MN1: variants seen among roughly 807,000 people sequenced by gnomAD.
The protein encoded by MN1 is MN1 proto-oncogene, transcriptional regulator.
A neutral mutation model predicts 86.9 loss-of-function variants in MN1; 19 were observed. The observed-to-expected ratio is 0.22, with a 90% CI of 0.15 to 0.32. The LOEUF (loss-of-function observed/expected upper bound fraction) is 0.32. Ranked by LOEUF, MN1 falls within the 10% of genes least tolerant of loss-of-function variation. The pLI is 1.00. For missense variants in MN1, 1,841 were observed against 1,862.0 expected (o/e 0.99, Z 0.21); for synonymous variants, 928 against 849.6 (o/e 1.09, Z -1.60).
Position 27,800,226 on chromosome 22 carries a change from A to T in MN1, c.318T>A (p.His106Gln). The part of the protein sequence containing the change: ...QPHHGHPGSH[H>Q]PHQHHPHFGG... ...CAAAGTGGGGGTGATGCTGGTGGGGATGATGACTTCCCGGGTGGCCGTGGT... is the reference window on the plus strand; with the variant it reads ...CAAAGTGGGGGTGATGCTGGTGGGGTTGATGACTTCCCGGGTGGCCGTGGT... Residue 106 changes from histidine (H) to glutamine (Q), a missense_variant, in exon 1 of 2, where the codon CAT (histidine) becomes CAA (glutamine). Physicochemically the swap from His to Gln is conservative, Grantham distance 24 (BLOSUM62 0). Transcript: ENST00000302326. The T allele has an allele frequency of 6.3e-7, 1 of 1,581,730 alleles. No homozygotes were observed. The highest frequency in any genetic ancestry group is 8.6e-7 in the Non-Finnish European group (1 of 1,165,046).
intron 1 of MN1, among the ~76,000 whole-genome samples, chr22:27,756,128 C>A (rs1266344123): frequency 6.6e-6 from 1 of 152,082 alleles, no homozygotes; most frequent in Non-Finnish European, 1.5e-5. Context: ...CAGGGCTGGG[C>A]CCGGGGAGGG....
At chr22:27,793,405 A>G (rs1568981025) in intron 1 of MN1, among the ~76,000 whole-genome samples, 1 of 148,988 alleles carries the variant, frequency 6.7e-6, no homozygotes, top group Non-Finnish European at 1.5e-5. Context: ...TAGGCGGATG[A>G]TTTTGCAAAC....
At chr22:27,764,714 C>A (rs1442763222) in intron 1 of MN1, among the ~76,000 whole-genome samples, 3 of 152,194 alleles carry the variant, frequency 2.0e-5, no homozygotes, top group Non-Finnish European at 4.4e-5. Flanking sequence ...GGCAGGGCTG[C>A]CAGGAGAATG....
In MN1 at chr22:27,758,520, AG is replaced by A. The variant is rs1340461649; in HGVS notation, c.3782-7425del. On this transcript the variant is annotated intron_variant, in intron 1 of 1. Transcript: ENST00000302326. ...GTGCTCACACATCTTGCTCTGGCAG[AG>A]GGGTGTTCTGAGGGCAGGGCCCCTC... 1.6e-4 allele frequency among the ~76,000 whole-genome samples: 25 copies of A among 152,282 alleles called. No homozygotes were observed. The South Asian group carries it at 4.1e-3, about 25-fold the overall frequency.
At chr22:27,770,156 C>T (rs999640997) in intron 1 of MN1, among the ~76,000 whole-genome samples, 1 of 152,212 alleles carries the variant, frequency 6.6e-6, no homozygotes, top group Non-Finnish European at 1.5e-5. Context: ...AACCTTCCCT[C>T]CCAAATCCTT....
intron 1 of MN1, among the ~76,000 whole-genome samples, chr22:27,752,328 G>A (rs1317619182): frequency 6.6e-6 from 1 of 152,190 alleles, no homozygotes; most frequent in African/African-American, 2.4e-5. Context: ...GTTCAGAGCA[G>A]GAGAGACAGA....
At chr22:27,755,242 G>T (rs1325732640) in intron 1 of MN1, among the ~76,000 whole-genome samples, 1 of 152,198 alleles carries the variant, frequency 6.6e-6, no homozygotes, top group African/African-American at 2.4e-5. Context: ...CTTGGGGGTG[G>T]TGATTCCTGC....
intron 1 of MN1, among the ~76,000 whole-genome samples, chr22:27,767,118 A>G (rs905969057): frequency 6.6e-6 from 1 of 152,058 alleles, no homozygotes; most frequent in African/African-American, 2.4e-5. Flanking sequence ...GGGGCCTTGT[A>G]TCACCTATTT....
intron 1 of MN1, among the ~76,000 whole-genome samples, chr22:27,760,848 T>C (rs1016601111): frequency 4.6e-5 from 7 of 152,236 alleles, no homozygotes; most frequent in African/African-American, 1.7e-4. Context: ...AGCAGACCAC[T>C]GTCTCTATGC....
At chr22:27,781,222 T>C (rs1414656022) in intron 1 of MN1, among the ~76,000 whole-genome samples, 1 of 152,202 alleles carries the variant, frequency 6.6e-6, no homozygotes, top group Non-Finnish European at 1.5e-5. Flanking sequence ...TGAGCTACCA[T>C]GCCCAGCCCT....
At chr22:27,791,097 G>T (rs952168607) in intron 1 of MN1, among the ~76,000 whole-genome samples, 1 of 152,042 alleles carries the variant, frequency 6.6e-6, no homozygotes, top group Non-Finnish European at 1.5e-5. Flanking sequence ...ATGTATATAT[G>T]CGGATGCTGG....
intron 1 of MN1, among the ~76,000 whole-genome samples, chr22:27,788,349 C>T (rs1292231533): frequency 6.6e-6 from 1 of 152,156 alleles, no homozygotes; most frequent in African/African-American, 2.4e-5. Flanking sequence ...TGCAAGGACG[C>T]TTTCAAACAG....
At position 27,797,196 on chromosome 22, in the gene MN1, G is replaced by A. The variant is rs1251564475; in HGVS notation, c.3348C>T (p.Asp1116=). The A allele has an allele frequency of 1.9e-6, 3 of 1,558,794 alleles. No individual in the cohort carries two copies. Among genetic ancestry groups the A allele is most frequent in the Non-Finnish European group, 2.6e-6 (3 of 1,156,930 alleles). The change falls in exon 1 of 2, where the codon GAC becomes GAT. Residue 1116 remains aspartate (D), a synonymous_variant. Transcript: ENST00000302326. ...GIMSNSTSTP[D]SYGGGGGPGH... ...CCGGGCCCCCACCGCCGCCGTAGCTGTCAGGGGTCGAGGTAGAGTTAGACA... is the reference window on the plus strand; with the variant it reads ...CCGGGCCCCCACCGCCGCCGTAGCTATCAGGGGTCGAGGTAGAGTTAGACA...
chr22:27,800,183 G>C lies in MN1; in HGVS notation c.361C>G (p.Pro121Ala). The C allele has an allele frequency of 6.5e-7, 1 of 1,548,896 alleles. No homozygotes were observed. ...HPHFGGNFGG[P>A]DPGASCLHGG... ...TGCAGGCACGAGGCCCCGGGGTCCGGGCCACCGAAGTTGCCCCCAAAGTGG... is the reference window on the plus strand; with the variant it reads ...TGCAGGCACGAGGCCCCGGGGTCCGCGCCACCGAAGTTGCCCCCAAAGTGG... The change falls in exon 1 of 2, where the codon CCG becomes GCG. Residue 121 changes from proline to alanine, a missense_variant. Coordinates refer to ENST00000302326, the MANE Select transcript of MN1 (RefSeq NM_002430.3).
chr22:27,797,584 C>T lies in MN1; in HGVS notation c.2960G>A (p.Gly987Glu). ...GQQQASGAAV[G>E]GSSAGETRGA... ...GCGCGTCTCGCCTGCGGAGCTTCCC[C>T]CGACGGCTGCGCCTGACGCTTGCTG... The change falls in exon 1 of 2, where the codon GGG becomes GAG. Residue 987 changes from glycine to glutamate, a missense_variant. Gly to Glu is a moderately conservative substitution (Grantham distance 98, BLOSUM62 -2). Coordinates refer to ENST00000302326, the MANE Select transcript of MN1 (RefSeq NM_002430.3). 3.7e-6 allele frequency: 6 copies of T among 1,600,096 alleles called. No individual in the cohort carries two copies. Among genetic ancestry groups the T allele is most frequent in the Non-Finnish European group, 5.1e-6 (6 of 1,173,084 alleles).
chr22:27,764,004 G>T (rs1397185333), intron 1 of MN1, among the ~76,000 whole-genome samples: 1 of 152,166 alleles, frequency 6.6e-6, no homozygotes, highest in Admixed American at 6.5e-5. Context: ...TCCAAAGCAA[G>T]AGACTGGCCC....
chr22:27,756,450 C>T (rs570981695), intron 1 of MN1, among the ~76,000 whole-genome samples: 42 of 152,178 alleles, frequency 2.8e-4, no homozygotes, highest in Admixed American at 1.7e-3. Flanking sequence ...GCCACGGTTC[C>T]ACCACTGAGC....
At chr22:27,759,104 A>G (rs1932818482) in intron 1 of MN1, among the ~76,000 whole-genome samples, 1 of 152,146 alleles carries the variant, frequency 6.6e-6, no homozygotes, top group Admixed American at 6.5e-5. Context: ...TTGGGATTAT[A>G]GGCATGAGCC....
At chr22:27,770,770 A>T (rs1601329395) in intron 1 of MN1, among the ~76,000 whole-genome samples, 1 of 149,296 alleles carries the variant, frequency 6.7e-6, no homozygotes, top group African/African-American at 2.5e-5. Context: ...GCAATCCCCC[A>T]CCTCAACCTT....
Sources: allele counts gnomAD v4.1 joint callset (sites outside exome capture counted in the v4.1 genomes callset), GRCh38; gene constraint gnomAD v4.1.1; transcripts MANE v1.5; gene names NCBI Gene and HGNC (gene_info 2026-07-23, HGNC 2026-07-21).